ERCC4: variants seen among roughly 807,000 people sequenced by gnomAD.
ERCC4 encodes DNA repair endonuclease XPF.
A neutral mutation model predicts 76.9 loss-of-function variants in ERCC4; 65 were observed. The ratio of observed to expected loss-of-function variants is 0.84; its 90% CI spans 0.69 to 1.04. The LOEUF is 1.04. Among genes scored for constraint, ERCC4 ranks in the 50% least tolerant of loss-of-function variants. The pLI is 0.00. For synonymous variants in ERCC4, 463 were observed against 410.1 expected (o/e 1.13, Z -1.56); for missense variants, 1,214 against 1,128.2 (o/e 1.08, Z -1.09).
At chr16:13,934,579 G>T (rs1210127491) in intron 7 of ERCC4, 6 of 397,728 alleles carry the variant, frequency 1.5e-5, no homozygotes, top group Middle Eastern at 1.5e-3. Flanking sequence ...AACTAGTTGG[G>T]TTCTTAGAAC....
At chr16:13,932,813 G>GT in intron 6 of ERCC4, 1 of 183,210 alleles carries the variant, frequency 5.5e-6, no homozygotes, top group East Asian at 1.7e-4. Flanking sequence ...GGGAGGCTGA[G>GT]GCAGGCCGAT....
intron 9 of ERCC4, among the ~76,000 whole-genome samples, chr16:13,940,123 C>T (rs1378818955): frequency 2.0e-5 from 3 of 152,288 alleles, no homozygotes; most frequent in East Asian, 1.9e-4. Context: ...CAGTGGCTCA[C>T]GCCTGTAATC....
chr16:13,931,784 C>T, intron 5 of ERCC4: 1 of 199,494 alleles, frequency 5.0e-6, no homozygotes, highest in Non-Finnish European at 1.0e-5. Flanking sequence ...TTTAAATGAC[C>T]TCCAATTTTA....
At chr16:13,929,515 C>G (rs1411238634) in intron 4 of ERCC4, among the ~76,000 whole-genome samples, 1 of 152,100 alleles carries the variant, frequency 6.6e-6, no homozygotes, top group Non-Finnish European at 1.5e-5. Flanking sequence ...TTATATCAGG[C>G]TACAAATTTC....
chr16:13,926,802 T>A, intron 3 of ERCC4, 46 bp downstream of exon 3: 2 of 1,430,802 alleles, frequency 1.4e-6, no homozygotes, highest in Non-Finnish European at 2.0e-6. Context: ...ATTTGTCATC[T>A]TTGTTTGTGA....
In ERCC4 at chr16:13,928,124, T is replaced by G; in HGVS notation, c.681T>G (p.Thr227=). The change falls in exon 4 of 11, where the codon ACT becomes ACG. Residue 227 remains threonine, a synonymous_variant. Transcript: ENST00000311895. ...SMTPTMLAIQ[T]AILDILNACL... is the part of the protein sequence containing the mutation. ...CACCTACCATGCTTGCTATACAGAC[T>G]GCTATACTGGACATTTTAAATGCAT... 1 of 1,612,968 alleles carries G rather than the reference T, an allele frequency of 6.2e-7. No individual in the cohort carries two copies. The highest frequency in any genetic ancestry group is 2.2e-5 in the East Asian group (1 of 44,814).
intron 3 of ERCC4, chr16:13,927,716 T>C (rs1367609221): frequency 2.8e-6 from 1 of 363,452 alleles, no homozygotes; most frequent in Non-Finnish European, 5.2e-6. Context: ...AACTCTGTTA[T>C]TGCCCAAAAA....
Position 13,937,815 on chromosome 16 carries a change from A to G in ERCC4, c.1861A>G (p.Thr621Ala), listed in dbSNP as rs2032331839. 6.2e-7 allele frequency: 1 copy of G among 1,611,362 alleles called. No homozygotes were observed. The highest frequency in any genetic ancestry group is 2.2e-5 in the East Asian group (1 of 44,854). The change falls in exon 9 of 11, where the codon ACT becomes GCT. Residue 621 changes from threonine to alanine, a missense_variant. Thr to Ala is a moderately conservative substitution (Grantham distance 58, BLOSUM62 0). Transcript: ENST00000311895. ...GGSTEEQRYL[T>A]ALRKEKEAFE... ...TTCAACTGAGGAACAACGCTATCTC[A>G]CTGCTTTGCGGAAAGAAAAGGAAGC... is the stretch of plus-strand genomic sequence containing the variant.
At chr16:13,943,813 T>G (rs1202987821) in intron 9 of ERCC4, among the ~76,000 whole-genome samples, 1 of 151,912 alleles carries the variant, frequency 6.6e-6, no homozygotes, top group Admixed American at 6.6e-5. Context: ...AGCTTATATA[T>G]CTTTTCTGTC....
At chr16:13,932,582 G>A (rs2032194385) in intron 6 of ERCC4, 1 of 480,046 alleles carries the variant, frequency 2.1e-6, no homozygotes, top group Non-Finnish European at 3.6e-6. Flanking sequence ...GCTATATATT[G>A]ATTTTTTTAG....
At chr16:13,944,535 C>T (rs1268447925) in intron 9 of ERCC4, among the ~76,000 whole-genome samples, 188 bp from the exon 10 acceptor site, 2 of 152,176 alleles carry the variant, frequency 1.3e-5, no homozygotes, top group African/African-American at 4.8e-5. Context: ...TTTTTACTGA[C>T]TTTTTCTACT....
At chr16:13,920,825 C>T (rs1452290040) in intron 1 of ERCC4, among the ~76,000 whole-genome samples, 7 of 151,632 alleles carry the variant, frequency 4.6e-5, no homozygotes, top group African/African-American at 1.7e-4. Context: ...TGACACTGTG[C>T]AGGCACAGTG....
intron 6 of ERCC4, 89 bp downstream of exon 6, chr16:13,932,374 C>A: frequency 2.4e-6 from 3 of 1,238,676 alleles, no homozygotes; most frequent in Non-Finnish European, 3.5e-6. Flanking sequence ...CTTCTTTGGC[C>A]ATGTGAAAAG....
intron 1 of ERCC4, among the ~76,000 whole-genome samples, 170 bp downstream of exon 1, chr16:13,920,542 C>T (rs1011982486): frequency 1.3e-5 from 2 of 152,022 alleles, no homozygotes; most frequent in African/African-American, 4.8e-5. Context: ...GATGCAGGTC[C>T]CTCACACTGC....
intron 2 of ERCC4, chr16:13,922,435 T>C: frequency 1.3e-6 from 1 of 759,502 alleles, no homozygotes; most frequent in Non-Finnish European, 2.4e-6. Context: ...CCTGACTACT[T>C]TGTTGTGAAT....
Position 13,930,895 on chromosome 16 carries a change from G to A in ERCC4, c.973+5G>A. 6.3e-7 allele frequency: 1 copy of A among 1,591,536 alleles called. No homozygotes were observed. The highest frequency in any genetic ancestry group is 8.6e-7 in the Non-Finnish European group (1 of 1,159,702). ...AAGCTTTTGGTCAGAATTCAGGTGG[G>A]AGATTAAAATACTAATAATATTCTA... On this transcript the variant is annotated splice_donor_5th_base_variant and intron_variant, in intron 5 of 10. Transcript: ENST00000311895.
chr16:13,929,822 G>A (rs920165964), intron 4 of ERCC4, among the ~76,000 whole-genome samples: 3 of 152,128 alleles, frequency 2.0e-5, no homozygotes, highest in African/African-American at 4.8e-5. Context: ...AAAATGAGCT[G>A]GGCGTGGTGG....
Position 13,935,240 on chromosome 16 carries a change from C to T in ERCC4, c.1308C>T (p.Tyr436=), listed in dbSNP as rs1034382350. Residue 436 remains tyrosine (Y), a synonymous_variant, in exon 8 of 11, where the codon TAC becomes TAT. Transcript: ENST00000311895. Reference sequence around the variant, plus strand: ...CGGAGGCCTTCTTATTGAGGCTCTACAGGAAAACCTTTGAGAAGGATAGCA... The same window carrying T: ...CGGAGGCCTTCTTATTGAGGCTCTATAGGAAAACCTTTGAGAAGGATAGCA... The part of the protein sequence containing the change: ...LGAEAFLLRL[Y]RKTFEKDSKA... 6.2e-7 allele frequency: 1 copy of T among 1,613,964 alleles called. No homozygotes were observed. Among genetic ancestry groups the T allele is most frequent in the Non-Finnish European group, 8.5e-7 (1 of 1,179,944 alleles).
chr16:13,942,310 C>T (rs150531262), intron 9 of ERCC4, among the ~76,000 whole-genome samples: 3 of 152,244 alleles, frequency 2.0e-5, no homozygotes, highest in Admixed American at 2.0e-4. Context: ...GTCCAGGTTT[C>T]ATCTCGAATA....
Sources: allele counts gnomAD v4.1 joint callset (sites outside exome capture counted in the v4.1 genomes callset), GRCh38; gene constraint gnomAD v4.1.1; transcripts MANE v1.5; gene names NCBI Gene and HGNC (gene_info 2026-07-23, HGNC 2026-07-21).